Variants in GALNT10 observed in about 807,000 individuals in gnomAD.
GALNT10 encodes GalNAc transferase 10.
Under a neutral mutation model 75.0 loss-of-function variants are expected in GALNT10, and 41 were observed. The observed-to-expected ratio is 0.55, with a 90% confidence interval of 0.43 to 0.71. GALNT10 has a LOEUF of 0.71. Ranked by LOEUF, GALNT10 falls within the 30% of genes least tolerant of loss-of-function variation. The pLI is 0.00. For missense variants in GALNT10, 727 were observed against 818.5 expected, an observed-to-expected ratio of 0.89 and a Z score of 1.36; for synonymous variants, 302 against 313.0, an observed-to-expected ratio of 0.96 and a Z score of 0.37.
At chr5:154,357,784 TCAGGACTC>T (rs2113151595) in intron 4 of GALNT10, among the ~76,000 whole-genome samples, 1 of 152,204 alleles carries the variant, frequency 6.6e-6, no homozygotes, top group Non-Finnish European at 1.5e-5. Context: ...TCTTCTGCTC[TCAGGACTC>T]CCAACCCTCC....
chr5:154,270,962 C>T (rs1319708966), intron 1 of GALNT10, among the ~76,000 whole-genome samples: 1 of 143,992 alleles, frequency 6.9e-6, no homozygotes, highest in African/African-American at 2.6e-5. Context: ...TCACTGCACT[C>T]CAGCCAGGGT....
intron 7 of GALNT10, among the ~76,000 whole-genome samples, chr5:154,395,172 T>G (rs559719727): frequency 1.0e-3 from 154 of 152,362 alleles, no homozygotes; most frequent in African/African-American, 3.6e-3. Flanking sequence ...AAAAGTTTGT[T>G]GTAAGAACTA....
intron 1 of GALNT10, among the ~76,000 whole-genome samples, chr5:154,222,736 T>C (rs1234610214): frequency 1.3e-5 from 2 of 152,236 alleles, no homozygotes; most frequent in Admixed American, 6.5e-5. Flanking sequence ...CATGTGTTTA[T>C]TGGCCGTTTT....
At chr5:154,245,589 A>G (rs2113670743) in intron 1 of GALNT10, among the ~76,000 whole-genome samples, 1 of 151,596 alleles carries the variant, frequency 6.6e-6, no homozygotes, top group Middle Eastern at 3.4e-3. Flanking sequence ...CCTTTTGAAC[A>G]CTTTTATCAC....
chr5:154,253,045 G>T (rs1465049464), intron 1 of GALNT10, among the ~76,000 whole-genome samples: 5 of 138,938 alleles, frequency 3.6e-5, no homozygotes, highest in South Asian at 2.3e-4. Context: ...TTTGTGAAAT[G>T]GTTTTTTTTC....
intron 3 of GALNT10, among the ~76,000 whole-genome samples, chr5:154,309,456 T>G (rs1363990507): frequency 6.6e-6 from 1 of 152,126 alleles, no homozygotes; most frequent in Non-Finnish European, 1.5e-5. Flanking sequence ...ATTTTAAGAA[T>G]AGACTGTAGG....
Position 154,270,814 on chromosome 5 carries a change from C to T in GALNT10, c.160-24002C>T, listed in dbSNP as rs192334971. 5.2e-3 allele frequency among the ~76,000 whole-genome samples: 787 copies of T among 151,836 alleles called. 6 individuals are homozygous for T. Among genetic ancestry groups the T allele is most frequent in the Non-Finnish European group, 8.3e-3 (562 of 67,900 alleles). ...TTCAAGAGGAGCCTGGCCAACATGG[C>T]GAAAACCCATCTCTACTAAAAATAT... On this transcript the variant is annotated intron_variant, in intron 1 of 11. Transcript: ENST00000297107.
At chr5:154,226,993 GA>G (rs1753073209) in intron 1 of GALNT10, among the ~76,000 whole-genome samples, 1 of 148,624 alleles carries the variant, frequency 6.7e-6, no homozygotes, top group Admixed American at 6.7e-5. Flanking sequence ...TGATTATTTT[GA>G]GATTCATTCA....
chr5:154,208,641 A>G, intron 1 of GALNT10, among the ~76,000 whole-genome samples: 1 of 152,188 alleles, frequency 6.6e-6, no homozygotes, highest in East Asian at 1.9e-4. Flanking sequence ...CAGGTCTGGA[A>G]TCTCTTAGCC....
rs1430005896 is a variant in GALNT10 at position 154,412,404 on chromosome 5, G to T, written c.1387-485G>T. 1 of 160,464 alleles carries T rather than the reference G, an allele frequency of 6.2e-6. No homozygotes were observed. Among genetic ancestry groups the T allele is most frequent in the East Asian group, 1.9e-4 (1 of 5,280 alleles). The allele number at this position is 160,464 out of a possible 1,614,324, so 9.9% of individuals were successfully genotyped here. On this transcript the variant is annotated intron_variant, in intron 9 of 11. Coordinates refer to ENST00000297107, the MANE Select transcript of GALNT10 (RefSeq NM_198321.4). The surrounding 1 kb of genome is among the most constrained non-coding windows in gnomAD (Gnocchi z 4.2). ...CTTTGGATCTCAGCAGGGGGTGAGG[G>T]GGCCTCCTGCCACCTCTTGCCATTC...
intron 1 of GALNT10, among the ~76,000 whole-genome samples, chr5:154,206,621 T>A (rs940153614): frequency 2.0e-5 from 3 of 152,242 alleles, no homozygotes; most frequent in Admixed American, 2.0e-4. Flanking sequence ...TGAAGAAGGT[T>A]AAAACTTTAG....
At chr5:154,395,479 A>G (rs1755996286) in intron 7 of GALNT10, among the ~76,000 whole-genome samples, 1 of 152,258 alleles carries the variant, frequency 6.6e-6, no homozygotes, top group African/African-American at 2.4e-5. Flanking sequence ...AGCTTAGCTC[A>G]GTGCCTGGAA....
At chr5:154,383,904 A>G (rs764910778) in intron 6 of GALNT10, among the ~76,000 whole-genome samples, 4 of 152,210 alleles carry the variant, frequency 2.6e-5, no homozygotes, top group African/African-American at 7.2e-5. Context: ...AGACTGGGTA[A>G]TTTATAAAGA....
intron 4 of GALNT10, among the ~76,000 whole-genome samples, chr5:154,355,683 C>T (rs1458922817): frequency 5.3e-5 from 8 of 149,706 alleles, no homozygotes; most frequent in East Asian, 1.9e-4. Context: ...ACTTCTCTCC[C>T]GATTAGTAAA....
At chr5:154,354,786 G>GT (rs2113147947) in intron 4 of GALNT10, among the ~76,000 whole-genome samples, 2 of 152,260 alleles carry the variant, frequency 1.3e-5, no homozygotes, top group East Asian at 3.9e-4. Context: ...GCTGTACCCT[G>GT]TGCTTTACTG....
At position 154,374,125 on chromosome 5, in the gene GALNT10, C is replaced by T. The variant is rs116006726; in HGVS notation, c.569-2152C>T. Among the ~76,000 whole-genome samples, 590 of 152,270 alleles carry T rather than the reference C, an allele frequency of 3.9e-3. 5 individuals are homozygous for T. The highest frequency in any genetic ancestry group is 0.013 in the African/African-American group (559 of 41,536). ...ATTTGGAGTGTGATCATGCCTCTTG[C>T]TTTCTTGTCTTGTTGCCCAAGAAAG... On this transcript the variant is annotated intron_variant, in intron 4 of 11. Coordinates refer to ENST00000297107, the MANE Select transcript of GALNT10 (RefSeq NM_198321.4).
intron 1 of GALNT10, among the ~76,000 whole-genome samples, chr5:154,251,210 C>T (rs1472287140): frequency 6.6e-6 from 1 of 152,126 alleles, no homozygotes; most frequent in Non-Finnish European, 1.5e-5. Context: ...ACAGCCCCCT[C>T]TTTCCCCTTA....
intron 1 of GALNT10, among the ~76,000 whole-genome samples, chr5:154,257,294 T>G (rs1753628936): frequency 6.6e-6 from 1 of 152,110 alleles, no homozygotes; most frequent in African/African-American, 2.4e-5. Context: ...CAGTGTGCCT[T>G]TTACTCCTTT....
At chr5:154,197,592 G>C (rs1487886587) in intron 1 of GALNT10, among the ~76,000 whole-genome samples, 1 of 152,090 alleles carries the variant, frequency 6.6e-6, no homozygotes, top group Non-Finnish European at 1.5e-5. Context: ...CCTTCCCTAT[G>C]GCTTTAAGAG....
Sources: allele counts gnomAD v4.1 joint callset (sites outside exome capture counted in the v4.1 genomes callset), GRCh38; gene constraint gnomAD v4.1.1; non-coding constraint Gnocchi (gnomAD v3.1); transcripts MANE v1.5; gene names NCBI Gene and HGNC (gene_info 2026-07-23, HGNC 2026-07-21).